CSMD2: variants seen among roughly 807,000 people sequenced by gnomAD.
The protein encoded by CSMD2 is CUB and sushi domain-containing protein 2.
In CSMD2, 130 loss-of-function variants were observed where a neutral mutation model predicts 398.5. That is an observed-to-expected ratio of 0.33 (90% CI 0.28 to 0.38). The LOEUF (loss-of-function observed/expected upper bound fraction) is 0.38. Among genes scored for constraint, CSMD2 ranks in the 10% least tolerant of loss-of-function variants. The pLI is 1.00. For missense variants in CSMD2, 3,829 were observed against 4,764.9 expected, an observed-to-expected ratio of 0.80 and a Z score of 5.78; for synonymous variants, 1,828 against 1,908.5, an observed-to-expected ratio of 0.96 and a Z score of 1.10.
chr1:33,570,906 C>T (rs180999172), intron 51 of CSMD2, among the ~76,000 whole-genome samples: 2 of 152,288 alleles, frequency 1.3e-5, no homozygotes, highest in African/African-American at 4.8e-5. Flanking sequence ...CTCAATTCTC[C>T]TTCTGCCCAG....
chr1:33,527,837 A>G (rs1450128597), intron 64 of CSMD2, among the ~76,000 whole-genome samples: 1 of 150,158 alleles, frequency 6.7e-6, no homozygotes, highest in Non-Finnish European at 1.5e-5. Context: ...AACTTTGCGG[A>G]GGCTGAGGCA....
At position 33,515,671 on chromosome 1, in the gene CSMD2, T is replaced by C. The variant is rs1418570812; in HGVS notation, c.*953A>G. The C allele has an allele frequency of 1.3e-5, 2 of 152,244 alleles. No individual in the cohort carries two copies. The highest frequency in any genetic ancestry group is 2.4e-5 in the African/African-American group (1 of 41,456). The allele number at this position is 152,244 out of a possible 1,614,324, so 9.4% of individuals were successfully genotyped here. A position where few individuals can be genotyped will look rare whatever the true frequency, so the allele number is the denominator to read the frequency against. ...CACAGAGAATAACCCCAGTACATGA[T>C]AGCCATTGTTTTTTGGGTACTGGGG... On this transcript the variant is annotated 3_prime_UTR_variant, in exon 71 of 71. Coordinates refer to ENST00000373381, the MANE Select transcript of CSMD2 (RefSeq NM_001281956.2).
rs566627372 is a variant in CSMD2, at chr1:33,664,422, A to T, written c.4053-1330T>A. ...AATTTCACATGAAATTGCAAGGAAC[A>T]TTTGCATCTTTATGTAGCTTTGTGC... On this transcript the variant is annotated intron_variant, in intron 25 of 70. Coordinates refer to ENST00000373381, the MANE Select transcript of CSMD2 (RefSeq NM_001281956.2). Among the ~76,000 whole-genome samples, 6 of 152,352 alleles carry T rather than the reference A, an allele frequency of 3.9e-5. No individual in the cohort carries two copies. In the South Asian group the frequency reaches 1.2e-3, roughly 32 times the overall value.
intron 3 of CSMD2, among the ~76,000 whole-genome samples, chr1:33,950,383 C>CAGAGAGAGAGAGAGAGAGAG (rs3045848): frequency 8.3e-4 from 111 of 133,862 alleles, no homozygotes; most frequent in African/African-American, 2.7e-3. Flanking sequence ...TCTCCTCCAG[C>CAGAGAGAGAGAGAGAGAGAG]AGAGAGAGAG....
intron 44 of CSMD2, among the ~76,000 whole-genome samples, chr1:33,594,477 A>G (rs929522503): frequency 2.6e-5 from 4 of 152,100 alleles, no homozygotes; most frequent in Non-Finnish European, 5.9e-5. Context: ...TCACCCTTAC[A>G]AGTTGAAAAA....
intron 9 of CSMD2, among the ~76,000 whole-genome samples, chr1:33,819,354 G>A (rs1453819170): frequency 6.6e-6 from 1 of 152,190 alleles, no homozygotes; most frequent in Non-Finnish European, 1.5e-5. Flanking sequence ...TTGTAACAGA[G>A]GGATTCAAGG....
intron 4 of CSMD2, among the ~76,000 whole-genome samples, chr1:33,921,186 C>A (rs1212117611): frequency 1.3e-5 from 2 of 152,084 alleles, no homozygotes; most frequent in Non-Finnish European, 2.9e-5. Context: ...TTCCCAGGCC[C>A]CAGAAAGCAG....
chr1:34,149,607 C>A (rs1640102503), intron 1 of CSMD2, among the ~76,000 whole-genome samples: 1 of 152,230 alleles, frequency 6.6e-6, no homozygotes, highest in African/African-American at 2.4e-5. Flanking sequence ...GAGCTCCAAG[C>A]TGTCAGGCCA....
intron 6 of CSMD2, among the ~76,000 whole-genome samples, chr1:33,835,655 TAATAA>T (rs1270385132): frequency 9.2e-6 from 1 of 108,572 alleles, no homozygotes; most frequent in Non-Finnish European, 1.8e-5. Flanking sequence ...AGTATAATAA[TAATAA>T]AATAAATTAA....
intron 5 of CSMD2, chr1:33,878,377 A>C (rs900925905): frequency 5.9e-5 from 9 of 152,286 alleles, no homozygotes; most frequent in Admixed American, 2.0e-4. Context: ...CATGTGGTCC[A>C]TTCCAGACAC....
chr1:33,530,870 T>C (rs1381084455), intron 64 of CSMD2, among the ~76,000 whole-genome samples: 2 of 152,178 alleles, frequency 1.3e-5, no homozygotes, highest in African/African-American at 4.8e-5. Context: ...ACAATCTCAC[T>C]TATCTGTGGA....
chr1:34,098,381 TG>T (rs1470477502), intron 1 of CSMD2, among the ~76,000 whole-genome samples: 1 of 146,866 alleles, frequency 6.8e-6, no homozygotes, highest in East Asian at 2.0e-4. Flanking sequence ...ACCTGCACAA[TG>T]TGCACATGTA....
Position 33,521,476 on chromosome 1 carries a change from G to A in CSMD2, c.10584C>T (p.Gly3528=). The A allele has an allele frequency of 1.3e-6, 2 of 1,583,420 alleles. No homozygotes were observed. Among genetic ancestry groups the A allele is most frequent in the Non-Finnish European group, 1.7e-6 (2 of 1,159,372 alleles). Residue 3528 remains glycine (G), a synonymous_variant, in exon 68 of 71, where the codon GGC becomes GGT. Transcript: ENST00000373381. Reference sequence around the variant, plus strand: ...AGCACTAGTTACCCAGTCTTTGAAAGCCGAACTGCCCAAAGCCTTGGCCCT... The same window carrying A: ...AGCACTAGTTACCCAGTCTTTGAAAACCGAACTGCCCAAAGCCTTGGCCCT... The part of the protein sequence containing the change: ...SVKGQGFGQF[G]FQRLDLRLLE...
At chr1:33,858,012 C>T (rs573753344) in intron 5 of CSMD2, among the ~76,000 whole-genome samples, 2 of 152,302 alleles carry the variant, frequency 1.3e-5, no homozygotes, top group South Asian at 4.1e-4. Flanking sequence ...AGCCAGGCAT[C>T]CCCCAACCAG....
chr1:34,147,996 C>T (rs1254575538), intron 1 of CSMD2, among the ~76,000 whole-genome samples: 2 of 151,868 alleles, frequency 1.3e-5, no homozygotes, highest in Non-Finnish European at 2.9e-5. Context: ...GCAGGACACT[C>T]TAGGGACTGA....
chr1:33,700,117 T>A (rs1403828893), intron 23 of CSMD2, among the ~76,000 whole-genome samples: 1 of 152,094 alleles, frequency 6.6e-6, no homozygotes, highest in African/African-American at 2.4e-5. Flanking sequence ...CAAGCAATTC[T>A]CCTGCCTCAG....
chr1:33,607,291 C>T (rs1640679012), intron 41 of CSMD2, among the ~76,000 whole-genome samples: 2 of 152,078 alleles, frequency 1.3e-5, no homozygotes, highest in South Asian at 2.1e-4. Flanking sequence ...GAAAAGAAGA[C>T]CCTAGCATGG....
chr1:33,567,154 G>C (rs1659123030), intron 53 of CSMD2, among the ~76,000 whole-genome samples: 1 of 151,356 alleles, frequency 6.6e-6, no homozygotes, highest in South Asian at 2.1e-4. Context: ...AATTTTCTAT[G>C]TAAAAGGGGA....
intron 3 of CSMD2, among the ~76,000 whole-genome samples, chr1:33,949,931 T>C (rs1259274284): frequency 8.5e-5 from 13 of 152,132 alleles, no homozygotes; most frequent in Admixed American, 8.5e-4. Flanking sequence ...ATGGCCCAAA[T>C]TACTCTCCTG....
Sources: allele counts gnomAD v4.1 joint callset (sites outside exome capture counted in the v4.1 genomes callset), GRCh38; gene constraint gnomAD v4.1.1; transcripts MANE v1.5; gene names NCBI Gene and HGNC (gene_info 2026-07-23, HGNC 2026-07-21).